Variants in CDKL2 observed in about 807,000 individuals in gnomAD.
CDKL2 encodes the protein cyclin dependent kinase like 2, also known as cyclin-dependent kinase-like 2.
A neutral mutation model predicts 63.9 loss-of-function variants in CDKL2; 64 were observed. The observed-to-expected ratio is 1.00, with a 90% CI of 0.82 to 1.23. CDKL2 has a LOEUF of 1.23. Ranked by LOEUF, CDKL2 falls within the 50% of genes most tolerant of loss-of-function variation. The probability of loss-of-function intolerance (pLI) is 0.00; values close to 1 mark genes in which losing one functional copy is unlikely to be tolerated. For missense variants in CDKL2, 656 were observed against 668.0 expected, an observed-to-expected ratio of 0.98 and a Z score of 0.20; for synonymous variants, 211 against 229.2, an observed-to-expected ratio of 0.92 and a Z score of 0.72.
At chr4:75,589,495 G>C (rs1353984829) in intron 12 of CDKL2, among the ~76,000 whole-genome samples, 1 of 150,852 alleles carries the variant, frequency 6.6e-6, no homozygotes, top group African/African-American at 2.4e-5. Flanking sequence ...TAGTAGAGAC[G>C]GGGTTTCACC....
In CDKL2 at chr4:75,597,041, T is replaced by C. The variant is rs1560578642; in HGVS notation, c.1216A>G (p.Arg406Gly). 2.5e-6 allele frequency: 4 copies of C among 1,614,084 alleles called. No homozygotes were observed. In the Admixed American group the frequency reaches 6.7e-5, roughly 27 times the overall value. The change falls in exon 9 of 14, where the codon AGG (arginine) becomes GGG (glycine). Residue 406 changes from arginine to glycine, a missense_variant. By Grantham distance (125) the Arg-to-Gly change is moderately radical. Transcript: ENST00000307465. The part of the protein sequence containing the change: ...DCSNVSVDHT[R>G]NPSVAIPPLT... ...GGGGGAATTGCCACGCTTGGATTCC[T>C]TGTGTGGTCCACGCTGACATTGCTG...
chr4:75,629,706 G>A (rs1578362275), intron 1 of CDKL2, among the ~76,000 whole-genome samples: 2 of 152,210 alleles, frequency 1.3e-5, no homozygotes, highest in South Asian at 2.1e-4. Context: ...TTGGGAGGCC[G>A]AGGCGGGCGG....
At chr4:75,603,712 CA>C (rs35686740) in intron 6 of CDKL2, 104 bp downstream of exon 6, 48,660 of 346,258 alleles carry the variant, frequency 0.14, 5 homozygotes, top group South Asian at 0.19. Flanking sequence ...AAGACTCCAT[CA>C]AAAAAAAAAA....
intron 6 of CDKL2, among the ~76,000 whole-genome samples, chr4:75,602,162 G>GT (rs111466342): frequency 0.18 from 23,407 of 128,310 alleles, 1,860 homozygotes; most frequent in South Asian, 0.42. Flanking sequence ...CCTACATTTT[G>GT]TTTTTTTTTT....
Position 75,608,313 on chromosome 4 carries a change from C to T in CDKL2, c.364-952G>A, listed in dbSNP as rs561712894. ...CTAATTTTTGTACTTTTAGTAGAGA[C>T]GGGGTTTCACCATGTTGGCCAGGAT... On this transcript the variant is annotated intron_variant, in intron 3 of 13. Coordinates refer to ENST00000307465, the MANE Select transcript of CDKL2 (RefSeq NM_001330724.2). Among the ~76,000 whole-genome samples the T allele has an allele frequency of 2.6e-5, 4 of 151,272 alleles. 1 individual carries two copies. The highest frequency in any genetic ancestry group is 4.2e-4 in the South Asian group (2 of 4,782).
rs184817083 is a variant in CDKL2 at position 75,607,441 on chromosome 4, G to C, written c.364-80C>G. ...ACCTGCTATGTGCAGGGCATTGTAT[G>C]TTGTCCCTATAAAGAATACAAACAA... On this transcript the variant is annotated intron_variant, in intron 3 of 13. Transcript: ENST00000307465. The C allele has an allele frequency of 2.3e-4, 243 of 1,070,508 alleles. No homozygotes were observed. In the East Asian group the frequency reaches 5.5e-3, roughly 24 times the overall value. The allele number at this position is 1,070,508 out of a possible 1,614,324, so 66.3% of individuals were successfully genotyped here.
Position 75,625,910 on chromosome 4 carries a change from CAG to C in CDKL2, c.77_78del (p.Thr26ArgfsTer13), listed in dbSNP as rs748465644. Reference sequence around the variant, plus strand: ...AACTTCTTTATGGCCACAATTCTTCCAGTATCTTTATTCCTACACTTCATCAC... The same window carrying C: ...AACTTCTTTATGGCCACAATTCTTCCTATCTTTATTCCTACACTTCATCAC... ...GMVMKCRNKD[T>X]GRIVAIKKFL... On this transcript the variant is annotated frameshift_variant, in exon 2 of 14. Coordinates refer to ENST00000307465, the MANE Select transcript of CDKL2 (RefSeq NM_001330724.2). LOFTEE classifies it high-confidence loss of function. The C allele has an allele frequency of 1.9e-6, 3 of 1,612,806 alleles. No homozygotes were observed. The highest frequency in any genetic ancestry group is 1.7e-6 in the Non-Finnish European group (2 of 1,179,170).
chr4:75,613,330 A>G (rs1235996812), intron 3 of CDKL2, among the ~76,000 whole-genome samples: 2 of 152,186 alleles, frequency 1.3e-5, no homozygotes, highest in Admixed American at 6.5e-5. Context: ...AAAATTAGAG[A>G]CAGTGAATAA....
At chr4:75,611,436 G>A (rs1170845737) in intron 3 of CDKL2, among the ~76,000 whole-genome samples, 4 of 145,312 alleles carry the variant, frequency 2.8e-5, no homozygotes, top group Non-Finnish European at 1.5e-5. Flanking sequence ...TCTAGCATGG[G>A]TGACAGAGTG....
At chr4:75,590,986 A>T (rs1332752906) in intron 12 of CDKL2, among the ~76,000 whole-genome samples, 2 of 152,194 alleles carry the variant, frequency 1.3e-5, no homozygotes, top group African/African-American at 4.8e-5. Context: ...AAAATGAGTG[A>T]TATGGCTGTT....
At chr4:75,596,018 A>AAGGT (rs1728912154) in intron 10 of CDKL2, 3 of 54,526 alleles carry the variant, frequency 5.5e-5, no homozygotes, top group Non-Finnish European at 1.0e-4. Flanking sequence ...GGAAGGAAGG[A>AAGGT]AGGAAGGAAG....
rs191202284 is a variant in CDKL2 at position 75,614,482 on chromosome 4, T to A, written c.169-33A>T. ...TAAAAAATGCAAAATAGCTGTTATT[T>A]AAAAATGCAAAATAGTTTATATAAA... On this transcript the variant is annotated intron_variant, in intron 2 of 13. Coordinates refer to ENST00000307465, the MANE Select transcript of CDKL2 (RefSeq NM_001330724.2). 6.3e-5 allele frequency: 86 copies of A among 1,364,426 alleles called. No individual in the cohort carries two copies. The African/African-American group carries it at 1.1e-3, about 18-fold the overall frequency. 84.5% of individuals were successfully genotyped at this position (1,364,426 alleles called of 1,614,324 possible). A position where few individuals can be genotyped will look rare whatever the true frequency, so the allele number is the denominator to read the frequency against.
intron 2 of CDKL2, among the ~76,000 whole-genome samples, chr4:75,624,318 G>A (rs1560595662): frequency 2.0e-5 from 3 of 152,018 alleles, no homozygotes; most frequent in South Asian, 4.1e-4. Context: ...TTGAAAGGCC[G>A]AGGTAGGAGG....
chr4:75,617,228 G>T (rs1203301157), intron 2 of CDKL2, among the ~76,000 whole-genome samples: 1 of 151,796 alleles, frequency 6.6e-6, no homozygotes, highest in African/African-American at 2.4e-5. Context: ...CTTCTACCCT[G>T]CCTTCCCTTA....
rs1729312555 is a variant in CDKL2, at chr4:75,603,888, C to G, written c.724G>C (p.Glu242Gln). The change falls in exon 6 of 14, where the codon GAA becomes CAA. Residue 242 changes from glutamate (E) to glutamine (Q), a missense_variant. Transcript: ENST00000307465. Reference sequence around the variant, plus strand: ...TCAAGAGGTTCTCTTTCCTTGATTTCAGGCAACCTTACTCCAGCAAACACA... The same window carrying G: ...TCAAGAGGTTCTCTTTCCTTGATTTGAGGCAACCTTACTCCAGCAAACACA... ...NPVFAGVRLP[E>Q]IKEREPLERR... 6.2e-7 allele frequency: 1 copy of G among 1,613,530 alleles called. No homozygotes were observed. The highest frequency in any genetic ancestry group is 1.3e-5 in the African/African-American group (1 of 74,850).
chr4:75,588,136 C>T (rs575238398), intron 12 of CDKL2, among the ~76,000 whole-genome samples: 51 of 151,624 alleles, frequency 3.4e-4, no homozygotes, highest in African/African-American at 1.2e-3. Context: ...ATCACTTGAA[C>T]CCAGGAGGCG....
chr4:75,598,592 T>TAAA (rs576539566), intron 7 of CDKL2, among the ~76,000 whole-genome samples: 418 of 145,860 alleles, frequency 2.9e-3, no homozygotes, highest in African/African-American at 8.7e-3. Context: ...TTTTTTTTTT[T>TAAA]AAAAAAAAAA....
chr4:75,598,007 T>A (rs1729014785), intron 8 of CDKL2, 70 bp downstream of exon 8: 1 of 1,103,420 alleles, frequency 9.1e-7, no homozygotes, highest in African/African-American at 1.7e-5. Flanking sequence ...TTTTTCAAAA[T>A]CATATTTTTT....
chr4:75,591,766 T>A (rs2148868158), intron 12 of CDKL2, 53 bp downstream of exon 12: 1 of 1,144,702 alleles, frequency 8.7e-7, no homozygotes, highest in East Asian at 2.6e-5. Context: ...ACTTTACTAG[T>A]AAGTAAGAGA....
Sources: gnomAD v4.1 joint callset for allele counts (sites outside exome capture counted in the v4.1 genomes callset) on GRCh38, gnomAD v4.1.1 for gene constraint, MANE v1.5 for transcripts, NCBI Gene and HGNC (gene_info 2026-07-23, HGNC 2026-07-21) for gene names.